The following HOXA3 variants were observed in gnomAD, a reference collection of about 807,000 sequenced individuals.
HOXA3 encodes the protein homeobox A3.
Under a neutral mutation model 30.3 loss-of-function variants are expected in HOXA3, and 8 were observed. The ratio of observed to expected loss-of-function variants is 0.26; its 90% CI spans 0.15 to 0.48. The LOEUF is 0.48. HOXA3 is among the 20% of genes least tolerant of loss of function. The pLI is 0.99. For missense variants in HOXA3, 653 were observed against 614.4 expected (o/e 1.06, Z -0.66); for synonymous variants, 323 against 273.1 (o/e 1.18, Z -1.80).
rs764830639 is a variant in HOXA3 at position 27,110,186 on chromosome 7, G to T, written c.455C>A (p.Ala152Asp). 10 of 1,614,150 alleles carry T rather than the reference G, an allele frequency of 6.2e-6. No homozygotes were observed. In the South Asian group the frequency reaches 9.9e-5, roughly 16 times the overall value. The change falls in exon 5 of 6, where the codon GCC becomes GAC. Residue 152 changes from alanine (A) to aspartate (D), a missense_variant. Coordinates refer to ENST00000612286, the MANE Select transcript of HOXA3 (RefSeq NM_153631.3). Reference sequence around the variant, plus strand: ...TTTCATCCAGGGGAAGATTTGTTTGGCCACTGTGGGTGAGTTGAGCAGGGG... The same window carrying T: ...TTTCATCCAGGGGAAGATTTGTTTGTCCACTGTGGGTGAGTTGAGCAGGGG... Reference protein sequence around the residue: ...KSPLLNSPTVAKQIFPWMKES... With the variant: ...KSPLLNSPTVDKQIFPWMKES...
chr7:27,140,031 G>GAGAGAGAGAGAGAGAGAGAC (rs1303752230), intron 2 of HOXA3, 52 bp downstream of exon 2: 13 of 135,668 alleles, frequency 9.6e-5, no homozygotes, highest in Non-Finnish European at 2.1e-4. Flanking sequence ...GAGAGAGAGA[G>GAGAGAGAGAGAGAGAGAGAC]AAAGTTTCCA....
At chr7:27,130,451 C>G in intron 2 of HOXA3, 2 of 1,220,942 alleles carry the variant, frequency 1.6e-6, no homozygotes, top group East Asian at 7.1e-5. Flanking sequence ...GTGTCCGCGG[C>G]CCCATGCGCG....
chr7:27,130,961 C>T (rs1278154474), intron 2 of HOXA3, among the ~76,000 whole-genome samples: 3 of 151,810 alleles, frequency 2.0e-5, no homozygotes, highest in Admixed American at 1.3e-4. Context: ...CCACGTGCAG[C>T]GCCCCCACCA....
chr7:27,115,995 T>A (rs1784704614), intron 4 of HOXA3: 1 of 152,694 alleles, frequency 6.5e-6, no homozygotes. Context: ...GCTATTGGTG[T>A]TTTGTTTTTT....
At chr7:27,115,923 C>A (rs1356294874) in intron 4 of HOXA3, 3 of 152,652 alleles carry the variant, frequency 2.0e-5, no homozygotes, top group African/African-American at 7.2e-5. Context: ...TTGGAGCAAG[C>A]GTAGGCGAGA....
At chr7:27,145,818 G>A (rs1782739581) in intron 1 of HOXA3, 1 of 1,614,144 alleles carries the variant, frequency 6.2e-7, no homozygotes, top group African/African-American at 1.3e-5. Context: ...GCGGCGCCGT[G>A]TCAGGTAGCG....
intron 4 of HOXA3, among the ~76,000 whole-genome samples, chr7:27,117,138 C>G (rs1784767623): frequency 6.6e-6 from 1 of 152,168 alleles, no homozygotes; most frequent in African/African-American, 2.4e-5. Context: ...GGGGCTTTCC[C>G]AATAATCTGG....
intron 1 of HOXA3, chr7:27,147,479 A>T (rs745356849): frequency 6.2e-7 from 1 of 1,614,046 alleles, no homozygotes. Flanking sequence ...CCACTGCCCG[A>T]GGGCGAGGCG....
chr7:27,112,215 A>G (rs1583419938), intron 4 of HOXA3, among the ~76,000 whole-genome samples: 1 of 152,244 alleles, frequency 6.6e-6, no homozygotes, highest in Admixed American at 6.5e-5. Context: ...AGTCCCTCTG[A>G]CCACTCAAGA....
intron 1 of HOXA3, chr7:27,147,295 G>C: frequency 6.2e-7 from 1 of 1,609,580 alleles, no homozygotes; most frequent in East Asian, 2.2e-5. Context: ...CACTGTCTTG[G>C]GATATGTCTT....
intron 1 of HOXA3, chr7:27,143,630 G>A (rs766232638): frequency 6.4e-7 from 1 of 1,570,654 alleles, no homozygotes; most frequent in South Asian, 1.2e-5. Context: ...ATGTGTGCTT[G>A]ATTTGTGGCT....
intron 2 of HOXA3, chr7:27,130,392 G>A: frequency 8.6e-7 from 1 of 1,157,538 alleles, no homozygotes; most frequent in South Asian, 4.2e-5. Flanking sequence ...GCTCGGGCTG[G>A]GGCGGCCGCC....
At chr7:27,114,877 A>G (rs1285684536) in intron 4 of HOXA3, among the ~76,000 whole-genome samples, 1 of 119,264 alleles carries the variant, frequency 8.4e-6, no homozygotes, top group African/African-American at 3.1e-5. Flanking sequence ...TATATTATAT[A>G]TATGTATATA....
At position 27,110,348 on chromosome 7, in the gene HOXA3, G is replaced by T; in HGVS notation, c.293C>A (p.Ala98Glu). Residue 98 changes from alanine (A) to glutamate (E), a missense_variant, in exon 5 of 6, where the codon GCG (alanine) becomes GAG (glutamate). Ala to Glu is a moderately radical substitution (Grantham distance 107). This residue lies in a region of HOXA3 where 320 missense variants were observed against 321.9 expected (regional missense o/e 0.99). Transcript: ENST00000612286. The part of the protein sequence containing the change: ...PPLHPPPPQA[A>E]PPAPQPPQPA... Reference sequence around the variant, plus strand: ...CTGAGGCGGCTGTGGGGCAGGGGGCGCGGCCTGGGGCGGCGGCGGGTGCAG... The same window carrying T: ...CTGAGGCGGCTGTGGGGCAGGGGGCTCGGCCTGGGGCGGCGGCGGGTGCAG... The T allele has an allele frequency of 2.0e-6, 3 of 1,500,944 alleles. No individual in the cohort carries two copies. The highest frequency in any genetic ancestry group is 2.7e-6 in the Non-Finnish European group (3 of 1,129,472). The allele number at this position is 1,500,944 out of a possible 1,614,324, so 93.0% of individuals were successfully genotyped here.
At chr7:27,138,724 A>G (rs1035320419) in intron 2 of HOXA3, among the ~76,000 whole-genome samples, 3 of 152,188 alleles carry the variant, frequency 2.0e-5, no homozygotes, top group Non-Finnish European at 4.4e-5. Flanking sequence ...GGATAAACTT[A>G]TTTCACCTTA....
intron 1 of HOXA3, chr7:27,145,480 TTGTTTTGTTTTGTTTTG>T (rs1782724886): frequency 1.3e-6 from 1 of 766,824 alleles, no homozygotes; most frequent in Non-Finnish European, 2.1e-6. Context: ...TTGTTTTGTT[TTGTTTTGTTTTGTTTTG>T]TAAGAAATAA....
At chr7:27,145,649 C>G in intron 1 of HOXA3, 2 of 1,611,334 alleles carry the variant, frequency 1.2e-6, no homozygotes, top group South Asian at 2.2e-5. Context: ...CTGGTCCCTG[C>G]CCAGGCATCT....
At chr7:27,111,471 T>C (rs1259067787) in intron 4 of HOXA3, among the ~76,000 whole-genome samples, 1 of 141,214 alleles carries the variant, frequency 7.1e-6, no homozygotes, top group Non-Finnish European at 1.5e-5. Flanking sequence ...GAAAACTTTG[T>C]GTGGAACACA....
chr7:27,143,153 T>G (rs776140545), intron 1 of HOXA3: 1 of 1,609,398 alleles, frequency 6.2e-7, no homozygotes, highest in South Asian at 1.1e-5. Flanking sequence ...GGCAGGGGCG[T>G]CCTCCTCGGC....
Sources: allele counts gnomAD v4.1 joint callset (sites outside exome capture counted in the v4.1 genomes callset), GRCh38; gene constraint gnomAD v4.1.1; regional missense constraint gnomAD v4.1.1; transcripts MANE v1.5; gene names NCBI Gene and HGNC (gene_info 2026-07-23, HGNC 2026-07-21).